Variants in UNC13C observed in about 807,000 individuals in gnomAD.
UNC13C encodes the protein protein unc-13 homolog C.
UNC13C carries 174 observed loss-of-function variants against 245.4 expected under a neutral mutation model. The ratio of observed to expected loss-of-function variants is 0.71; its 90% CI spans 0.63 to 0.80. The LOEUF is 0.80. Ranked by LOEUF, UNC13C falls within the 30% of genes least tolerant of loss-of-function variation. The probability of loss-of-function intolerance (pLI) is 0.00; values close to 1 mark genes in which losing one functional copy is unlikely to be tolerated. For missense variants in UNC13C, 2,829 were observed against 2,602.9 expected (o/e 1.09, Z -1.89); for synonymous variants, 992 against 895.1 (o/e 1.11, Z -1.93).
At chr15:54,204,891 T>A (rs1019595417) in intron 4 of UNC13C, among the ~76,000 whole-genome samples, 15 of 152,036 alleles carry the variant, frequency 9.9e-5, no homozygotes, top group Non-Finnish European at 1.6e-4. Context: ...ATTATTGCCA[T>A]GCATATGTGA....
intron 1 of UNC13C, among the ~76,000 whole-genome samples, chr15:54,000,801 A>G (rs1894851300): frequency 6.6e-6 from 1 of 152,214 alleles, no homozygotes; most frequent in African/African-American, 2.4e-5. Flanking sequence ...GGCACTCTTT[A>G]GACTTCATAA....
At chr15:54,586,333 A>G (rs925991531) in intron 30 of UNC13C, among the ~76,000 whole-genome samples, 2 of 152,208 alleles carry the variant, frequency 1.3e-5, no homozygotes, top group African/African-American at 4.8e-5. Context: ...TTATTCCCTC[A>G]CAGTTTTCAA....
At chr15:54,517,804 T>G (rs755818429) in intron 24 of UNC13C, among the ~76,000 whole-genome samples, 1 of 152,178 alleles carries the variant, frequency 6.6e-6, no homozygotes, top group Non-Finnish European at 1.5e-5. Context: ...ATTAAAGAGA[T>G]AAGGTTTGTG....
chr15:54,001,814 C>G (rs935555339), intron 1 of UNC13C, among the ~76,000 whole-genome samples: 5 of 152,160 alleles, frequency 3.3e-5, no homozygotes, highest in African/African-American at 1.2e-4. Context: ...CTAAAGTAGC[C>G]AATCTGACTT....
At chr15:54,321,039 A>T (rs1596214361) in intron 13 of UNC13C, 1 of 463,680 alleles carries the variant, frequency 2.2e-6, no homozygotes, top group East Asian at 5.7e-5. Flanking sequence ...CCATGACCAA[A>T]GTTGTTATTC....
At chr15:53,874,639 G>A in the UNC13C span, among the ~76,000 whole-genome samples, 1 of 152,088 alleles carries the variant, frequency 6.6e-6, no homozygotes, top group Non-Finnish European at 1.5e-5. Context: ...TTACCATCCT[G>A]TATATCCAAA....
intron 1 of UNC13C, among the ~76,000 whole-genome samples, 31 bp downstream of exon 1, chr15:53,978,958 TTCA>T (rs1443401293): frequency 2.6e-5 from 4 of 152,212 alleles, no homozygotes; most frequent in Non-Finnish European, 4.4e-5. Flanking sequence ...CACGCACTGC[TTCA>T]TCTGCATGCG....
chr15:53,978,388 C>T (rs1344774190), upstream of UNC13C, among the ~76,000 whole-genome samples: 1 of 152,068 alleles, frequency 6.6e-6, no homozygotes, highest in Non-Finnish European at 1.5e-5. Context: ...GGAGAGGGAG[C>T]CCGGGCGCTC....
At chr15:54,049,819 C>A in intron 2 of UNC13C, 2 of 251,408 alleles carry the variant, frequency 8.0e-6, no homozygotes, top group Non-Finnish European at 1.6e-5. Context: ...ATAGGATGCT[C>A]ATGAGATTGT....
intron 24 of UNC13C, among the ~76,000 whole-genome samples, chr15:54,519,135 A>G (rs371052712): frequency 4.6e-5 from 7 of 152,146 alleles, no homozygotes; most frequent in African/African-American, 1.7e-4. Context: ...GAACTATGTG[A>G]TTTCAGAAAT....
the UNC13C span, among the ~76,000 whole-genome samples, chr15:53,838,898 T>C: frequency 1.4e-4 from 22 of 152,186 alleles, no homozygotes; most frequent in Non-Finnish European, 2.9e-4. Flanking sequence ...CTGGTTAAGG[T>C]ATATTCAGAC....
At chr15:53,857,245 A>G in the UNC13C span, among the ~76,000 whole-genome samples, 1 of 152,200 alleles carries the variant, frequency 6.6e-6, no homozygotes. Flanking sequence ...TCTTTGCTCA[A>G]TTAAACTCTT....
intron 2 of UNC13C, among the ~76,000 whole-genome samples, chr15:54,109,933 G>T (rs1224990490): frequency 6.6e-6 from 1 of 151,998 alleles, no homozygotes; most frequent in East Asian, 1.9e-4. Context: ...AGGAAGAAGA[G>T]GCCTATTTTC....
rs536165416 is a variant in UNC13C, at chr15:54,029,760, G to A, written c.2983+13874G>A. ...GCCTTCACACAGCTTCAGAAGGTGC[G>A]GCAGAGGTTCCCGGGACCCTATGCG... is the stretch of plus-strand genomic sequence containing the variant. On this transcript the variant is annotated intron_variant, in intron 2 of 32. Transcript: ENST00000260323. Among the ~76,000 whole-genome samples the A allele has an allele frequency of 4.6e-5, 7 of 152,206 alleles. No individual in the cohort carries two copies. The South Asian group carries it at 1.0e-3, about 23-fold the overall frequency.
chr15:54,556,826 C>T (rs75134750), intron 29 of UNC13C, among the ~76,000 whole-genome samples: 1 of 151,990 alleles, frequency 6.6e-6, no homozygotes, highest in African/African-American at 2.4e-5. Context: ...ACTCTTCATG[C>T]ATTTTATTAG....
At chr15:54,134,498 G>GT (rs1183497432) in intron 2 of UNC13C, among the ~76,000 whole-genome samples, 6 of 149,388 alleles carry the variant, frequency 4.0e-5, no homozygotes, top group Non-Finnish European at 6.0e-5. Context: ...TGACAAATAG[G>GT]TTTTTTGTTT....
chr15:54,609,485 C>T (rs1429567152), intron 30 of UNC13C: 1 of 152,118 alleles, frequency 6.6e-6, no homozygotes, highest in African/African-American at 2.4e-5. Context: ...GGTTTTAAAT[C>T]AATGAACTGA....
the UNC13C span, among the ~76,000 whole-genome samples, chr15:53,862,446 G>GA: frequency 3.3e-5 from 5 of 152,086 alleles, no homozygotes; most frequent in African/African-American, 1.2e-4. Flanking sequence ...CTGGGGTCTG[G>GA]AAAGCTTTCT....
At chr15:54,215,024 T>C (rs1394762825) in intron 4 of UNC13C, among the ~76,000 whole-genome samples, 1 of 151,924 alleles carries the variant, frequency 6.6e-6, no homozygotes, top group East Asian at 1.9e-4. Flanking sequence ...CTGTAGCATG[T>C]AATAATGTCT....
Sources: gnomAD v4.1 joint callset for allele counts (sites outside exome capture counted in the v4.1 genomes callset) on GRCh38, gnomAD v4.1.1 for gene constraint, MANE v1.5 for transcripts, NCBI Gene and HGNC (gene_info 2026-07-23, HGNC 2026-07-21) for gene names.